TBC1D32: variants seen among roughly 807,000 people sequenced by gnomAD.
TBC1D32 encodes the protein protein broad-minded.
A neutral mutation model predicts 170.3 loss-of-function variants in TBC1D32; 151 were observed. The ratio of observed to expected loss-of-function variants is 0.89; its 90% confidence interval spans 0.78 to 1.01. The LOEUF (loss-of-function observed/expected upper bound fraction) is 1.01, where lower values mean the gene tolerates loss of function less well. TBC1D32 is among the 50% of genes least tolerant of loss of function. The probability of loss-of-function intolerance (pLI) is 0.00; values close to 1 mark genes in which losing one functional copy is unlikely to be tolerated. For synonymous variants in TBC1D32, 498 were observed against 488.0 expected (o/e 1.02, Z -0.27); for missense variants, 1,464 against 1,457.1 (o/e 1.00, Z -0.08).
rs372847786 is a variant in TBC1D32, at chr6:121,298,656, T to C, written c.1140+790A>G. 9.9e-5 allele frequency among the ~76,000 whole-genome samples: 15 copies of C among 152,206 alleles called. No homozygotes were observed. The East Asian group carries it at 1.3e-3, about 14-fold the overall frequency. ...AATAAATTCTTATCCTATTATTCAA[T>C]ATCCCTCTCTTCTTCTGCTGCTCAA... On this transcript the variant is annotated intron_variant, in intron 10 of 31. Transcript: ENST00000398212.
At chr6:121,110,929 T>G (rs1027334387) in intron 29 of TBC1D32, among the ~76,000 whole-genome samples, 1 of 152,150 alleles carries the variant, frequency 6.6e-6, no homozygotes, top group Non-Finnish European at 1.5e-5. Flanking sequence ...ACATTCAACT[T>G]GATGTATTTG....
chr6:121,281,674 G>T lies in TBC1D32; in HGVS notation c.1478C>A (p.Pro493His). 1.9e-6 allele frequency: 3 copies of T among 1,591,854 alleles called. No individual in the cohort carries two copies. The East Asian group carries it at 6.8e-5, about 36-fold the overall frequency. Reference protein sequence around the residue: ...TSAAHSENYSPASMVTEVLWI... With the variant: ...TSAAHSENYSHASMVTEVLWI... ...CAGAACTTCAGTCACCATACTTGCA[G>T]GAGAGTAATTCTCTAATAAACAATA... Residue 493 changes from proline (P) to histidine (H), a missense_variant, in exon 14 of 32, where the codon CCT becomes CAT. By Grantham distance (77) the Pro-to-His change is moderately conservative (BLOSUM62 -2). This residue lies in a region of TBC1D32 where 1,363 missense variants were observed against 1,338.1 expected (regional missense o/e 1.02). Coordinates refer to ENST00000398212, the MANE Select transcript of TBC1D32 (RefSeq NM_152730.6).
chr6:121,080,817 G>A lies in TBC1D32; in HGVS notation c.3728C>T (p.Thr1243Ile). The A allele has an allele frequency of 6.2e-7, 1 of 1,613,852 alleles. No homozygotes were observed. The highest frequency in any genetic ancestry group is 8.5e-7 in the Non-Finnish European group (1 of 1,179,866). ...YMEILEQNYR[T>I]VLLRDMRNIR... ...GTTCCGCATGTCTCTCAGCAGCACT[G>A]TTCGGTAGTTTTGTTCCAAAATTTC... Residue 1243 changes from threonine (T) to isoleucine (I), a missense_variant, in exon 32 of 32, where the codon ACA becomes ATA. Thr to Ile is a moderately conservative substitution (Grantham distance 89). Around this residue, in one of 3 missense-constraint regions of TBC1D32, gnomAD observed 97 missense variants for 102.0 expected, o/e 0.95. Coordinates refer to ENST00000398212, the MANE Select transcript of TBC1D32 (RefSeq NM_152730.6).
chr6:121,095,740 T>C (rs1777325737), intron 30 of TBC1D32, among the ~76,000 whole-genome samples: 1 of 152,198 alleles, frequency 6.6e-6, no homozygotes, highest in African/African-American at 2.4e-5. Context: ...CATTTATTGA[T>C]TTGCGTATGT....
intron 2 of TBC1D32, among the ~76,000 whole-genome samples, chr6:121,321,299 G>A (rs553776441): frequency 2.4e-4 from 37 of 152,282 alleles, no homozygotes; most frequent in African/African-American, 8.9e-4. Context: ...AATCCCTCCG[G>A]GAGGGACTTA....
intron 26 of TBC1D32, among the ~76,000 whole-genome samples, chr6:121,117,367 C>G (rs1311027307): frequency 6.6e-6 from 1 of 151,994 alleles, no homozygotes; most frequent in African/African-American, 2.4e-5. Context: ...CCCAAAGCAG[C>G]AATGAAGACA....
At chr6:121,200,029 G>A (rs189568908) in intron 22 of TBC1D32, among the ~76,000 whole-genome samples, 4 of 151,034 alleles carry the variant, frequency 2.6e-5, no homozygotes, top group Admixed American at 2.6e-4. Context: ...ACTGTTGGTG[G>A]GTAAATATAA....
chr6:121,242,045 T>C (rs778579979), intron 18 of TBC1D32, among the ~76,000 whole-genome samples, 156 bp downstream of exon 18: 1 of 152,128 alleles, frequency 6.6e-6, no homozygotes, highest in Non-Finnish European at 1.5e-5. Flanking sequence ...CTCTCTAATG[T>C]TTTCCTAAAA....
Position 121,157,546 on chromosome 6 carries a change from C to T in TBC1D32, c.2773+2464G>A, listed in dbSNP as rs369182214. Among the ~76,000 whole-genome samples, 61 of 152,124 alleles carry T rather than the reference C, an allele frequency of 4.0e-4. 1 individual carries two copies. In the South Asian group the frequency reaches 8.9e-3, roughly 22 times the overall value. ...TATGTGAGATTCTGATCCTGTCATT[C>T]GGTTGGCAGTTGGTTGTTTTATAGA... On this transcript the variant is annotated intron_variant, in intron 24 of 31. Transcript: ENST00000398212.
chr6:121,293,704 GT>G (rs1018529555), intron 11 of TBC1D32, among the ~76,000 whole-genome samples: 47 of 152,254 alleles, frequency 3.1e-4, no homozygotes, highest in African/African-American at 1.1e-3. Flanking sequence ...AACGTCAGGA[GT>G]TCAAGAGCAG....
At chr6:121,212,429 A>C (rs2128313748) in intron 21 of TBC1D32, among the ~76,000 whole-genome samples, 1 of 151,966 alleles carries the variant, frequency 6.6e-6, no homozygotes, top group Middle Eastern at 3.4e-3. Flanking sequence ...ACACAACAAA[A>C]AAAACTTCAG....
At chr6:121,193,741 T>C (rs946170893) in intron 22 of TBC1D32, among the ~76,000 whole-genome samples, 1 of 152,246 alleles carries the variant, frequency 6.6e-6, no homozygotes, top group East Asian at 1.9e-4. Context: ...TCGGGAAGCC[T>C]AATGCATTCT....
At chr6:121,086,499 A>C (rs1582701157) in intron 31 of TBC1D32, among the ~76,000 whole-genome samples, 1 of 152,116 alleles carries the variant, frequency 6.6e-6, no homozygotes, top group Non-Finnish European at 1.5e-5. Flanking sequence ...TCACCCTGTC[A>C]ACATTCTCTG....
Position 121,256,064 on chromosome 6 carries a change from C to T in TBC1D32, c.1935+20G>A, listed in dbSNP as rs762741354. 107 of 1,593,380 alleles carry T rather than the reference C, an allele frequency of 6.7e-5. No individual in the cohort carries two copies. Among genetic ancestry groups the T allele is most frequent in the Middle Eastern group, 1.7e-4 (1 of 5,854 alleles). ...AATAAAGATTTGCAGGGAGAAAAAA[C>T]GAAGCTTGAAAATACTTACCTTTTT... On this transcript the variant is annotated intron_variant, in intron 16 of 31. Transcript: ENST00000398212.
chr6:121,103,802 G>C (rs772830630), intron 30 of TBC1D32, among the ~76,000 whole-genome samples: 6 of 151,826 alleles, frequency 4.0e-5, no homozygotes, highest in Non-Finnish European at 8.8e-5. Context: ...TTACACTAAC[G>C]TAGATTAGAA....
At chr6:121,234,285 TTTA>T (rs1434432380) in intron 20 of TBC1D32, among the ~76,000 whole-genome samples, 1 of 152,194 alleles carries the variant, frequency 6.6e-6, no homozygotes, top group African/African-American at 2.4e-5. Flanking sequence ...TTAGTTTTCC[TTTA>T]TTATTACCTC....
chr6:121,116,753 T>C (rs1234942827), intron 26 of TBC1D32, among the ~76,000 whole-genome samples: 1 of 152,158 alleles, frequency 6.6e-6, no homozygotes, highest in Non-Finnish European at 1.5e-5. Context: ...AGGAATTGGA[T>C]GTGTTAAATA....
At chr6:121,285,546 G>A (rs551179863) in intron 12 of TBC1D32, among the ~76,000 whole-genome samples, 2 of 152,212 alleles carry the variant, frequency 1.3e-5, no homozygotes, top group African/African-American at 4.8e-5. Flanking sequence ...AGCCAAGATG[G>A]CCAAATAGGA....
intron 26 of TBC1D32, among the ~76,000 whole-genome samples, chr6:121,119,913 T>C (rs1780082223): frequency 6.6e-6 from 1 of 152,086 alleles, no homozygotes; most frequent in Non-Finnish European, 1.5e-5. Context: ...CAATTTCTCA[T>C]TTCCAGAAAC....
Sources: gnomAD v4.1 joint callset for allele counts (sites outside exome capture counted in the v4.1 genomes callset) on GRCh38, gnomAD v4.1.1 for gene constraint, gnomAD v4.1.1 regional missense constraint, MANE v1.5 for transcripts, NCBI Gene and HGNC (gene_info 2026-07-23, HGNC 2026-07-21) for gene names.